The following TENM1 variants were observed in gnomAD, a reference collection of about 807,000 sequenced individuals.
TENM1 encodes teneurin-1.
TENM1 carries 35 observed loss-of-function variants against 174.8 expected under a neutral mutation model. That is an observed-to-expected ratio of 0.20 (90% CI 0.15 to 0.27). The LOEUF is 0.27. TENM1 is among the 10% of genes least tolerant of loss of function. The pLI is 1.00. For missense variants in TENM1, 1,633 were observed against 2,130.1 expected (o/e 0.77, Z 4.59); for synonymous variants, 781 against 798.7 (o/e 0.98, Z 0.37).
chrX:124,619,110 T>A (rs1445669224), intron 11 of TENM1, among the ~76,000 whole-genome samples: 1 of 111,772 alleles, frequency 8.9e-6, no homozygotes, highest in African/African-American at 3.3e-5. Flanking sequence ...AACAAAATAA[T>A]AAAGATTTAA....
At chrX:124,966,197 C>T (rs919815905), upstream of TENM1, among the ~76,000 whole-genome samples, 1 of 111,455 alleles carries the variant, frequency 9.0e-6, no homozygotes, top group Non-Finnish European at 1.9e-5. Context: ...AATTGGTTTC[C>T]TTCTTACATT....
At chrX:125,027,538 C>T in the TENM1 span, among the ~76,000 whole-genome samples, 1 of 111,557 alleles carries the variant, frequency 9.0e-6, no homozygotes, top group Non-Finnish European at 1.9e-5. Flanking sequence ...AAACTGAAAG[C>T]CCAAGTCAAA....
the TENM1 span, among the ~76,000 whole-genome samples, chrX:125,172,328 C>T: frequency 8.2e-5 from 9 of 109,959 alleles, no homozygotes; most frequent in South Asian, 7.9e-4. Context: ...CTCACCCCCC[C>T]CCATTTTAAA....
chrX:124,635,982 T>C (rs1257877874), intron 11 of TENM1, among the ~76,000 whole-genome samples: 1 of 112,132 alleles, frequency 8.9e-6, no homozygotes, highest in African/African-American at 3.2e-5. Flanking sequence ...AAGAAGCCTA[T>C]ATCAAATATC....
intron 3 of TENM1, among the ~76,000 whole-genome samples, chrX:124,893,681 G>A (rs1002744020): frequency 1.8e-5 from 2 of 111,611 alleles, no homozygotes; most frequent in African/African-American, 6.5e-5. Flanking sequence ...CCTCTCCAAA[G>A]GGGCAAAACC....
chrX:125,163,125 G>A, the TENM1 span, among the ~76,000 whole-genome samples: 1 of 111,590 alleles, frequency 9.0e-6, no homozygotes, highest in Non-Finnish European at 1.9e-5. Context: ...AGCCTCTCTG[G>A]ATGCTATATA....
At position 124,660,888 on chromosome X, in the gene TENM1, T is replaced by G. The variant is rs187537455; in HGVS notation, c.1169-7105A>C. ...CGTCATTCCACAACTTGGTGTATAC[T>G]CCAAAGAATTAAAAACAGGTTTTCT... On this transcript the variant is annotated intron_variant, in intron 6 of 31. Coordinates refer to ENST00000422452, the Ensembl canonical transcript of TENM1. Among the ~76,000 whole-genome samples, 6 of 111,959 alleles carry G rather than the reference T, an allele frequency of 5.4e-5. No individual in the cohort carries two copies. In the East Asian group the frequency reaches 1.1e-3, roughly 21 times the overall value.
chrX:124,433,406 C>T lies in TENM1; in HGVS notation c.4105-10768G>A, dbSNP rs190888236. 7.1e-5 allele frequency among the ~76,000 whole-genome samples: 8 copies of T among 111,977 alleles called. No individual in the cohort carries two copies. In the East Asian group the frequency reaches 2.2e-3, roughly 31 times the overall value. Reference sequence around the variant, plus strand: ...ATTGCTTAAACCTAATGATTAACCTCAAGCATTCTTGAATACCTAGGGCTC... The same window carrying T: ...ATTGCTTAAACCTAATGATTAACCTTAAGCATTCTTGAATACCTAGGGCTC... On this transcript the variant is annotated intron_variant, in intron 23 of 31. Transcript: ENST00000422452.
intron 1 of TENM1, among the ~76,000 whole-genome samples, chrX:124,953,512 C>T (rs1034046539): frequency 9.0e-6 from 1 of 111,546 alleles, no homozygotes; most frequent in African/African-American, 3.3e-5. Flanking sequence ...CGTGTCTCTG[C>T]CTCTTTGTGT....
In TENM1 at chrX:124,676,257, AATATATATATATATAT is replaced by A. The variant is rs56962688; in HGVS notation, c.1016-4438_1016-4423del. Among the ~76,000 whole-genome samples the A allele has an allele frequency of 7.2e-3, 166 of 22,953 alleles. 2 individuals carry two copies. The highest frequency in any genetic ancestry group is 0.012 in the East Asian group (12 of 981). 19.9% of individuals were successfully genotyped at this position (22,953 alleles called of 115,157 possible). A position where few individuals can be genotyped will look rare whatever the true frequency, so the allele number is the denominator to read the frequency against. ...TTACTGTTCCCTAAGACATATATAA[AATATATATATATATAT>A]ATATATATATATATATATATATATA... On this transcript the variant is annotated intron_variant, in intron 5 of 31. Coordinates refer to ENST00000422452, the Ensembl canonical transcript of TENM1.
chrX:125,160,524 G>A, the TENM1 span, among the ~76,000 whole-genome samples: 5 of 73,486 alleles, frequency 6.8e-5, no homozygotes, highest in South Asian at 4.0e-3. Flanking sequence ...TAGCCTGGGC[G>A]ACAGAGCAAG....
the TENM1 span, among the ~76,000 whole-genome samples, chrX:125,089,638 C>T: frequency 1.8e-5 from 2 of 111,349 alleles, no homozygotes; most frequent in African/African-American, 3.3e-5. Context: ...CTATTTAGAG[C>T]CTTTTGAGAC....
intron 11 of TENM1, among the ~76,000 whole-genome samples, chrX:124,640,804 CA>C (rs1183018696): frequency 9.1e-6 from 1 of 109,335 alleles, no homozygotes; most frequent in African/African-American, 3.3e-5. Flanking sequence ...ACTAAAAATA[CA>C]AAAAAATTAG....
At chrX:124,551,084 G>A (rs2048553650) in intron 14 of TENM1, among the ~76,000 whole-genome samples, 1 of 112,589 alleles carries the variant, frequency 8.9e-6, no homozygotes, top group African/African-American at 3.2e-5. Context: ...GCTTAACGTT[G>A]CCACTTACAA....
intron 11 of TENM1, among the ~76,000 whole-genome samples, chrX:124,625,590 C>T (rs1343718648): frequency 9.0e-6 from 1 of 111,271 alleles, no homozygotes; most frequent in Non-Finnish European, 1.9e-5. Flanking sequence ...AATTAGCTCA[C>T]GGTTCTGCAA....
chrX:125,120,118 TTGAG>T, the TENM1 span, among the ~76,000 whole-genome samples: 5 of 111,927 alleles, frequency 4.5e-5, no homozygotes, highest in African/African-American at 1.3e-4. Context: ...TAAGGTTCCC[TTGAG>T]TAAGAGACTT....
chrX:124,497,223 T>A, exon 20 of TENM1: 1 of 1,209,177 alleles, frequency 8.3e-7, no homozygotes, highest in Non-Finnish European at 1.1e-6. Context: ...TGGGGGCTGC[T>A]GGGAAATGAA....
At chrX:125,144,624 C>A in the TENM1 span, among the ~76,000 whole-genome samples, 5 of 112,015 alleles carry the variant, frequency 4.5e-5, no homozygotes, top group Non-Finnish European at 9.4e-5. Flanking sequence ...TAACAGAATA[C>A]CACAGGAGCA....
chrX:124,463,839 GTGT>G (rs1569533023), intron 22 of TENM1, among the ~76,000 whole-genome samples: 1 of 62,819 alleles, frequency 1.6e-5, no homozygotes, highest in Non-Finnish European at 2.6e-5. Flanking sequence ...AGGTTGGGGT[GTGT>G]GTGTGTGTGT....
Sources: gnomAD v4.1 joint callset for allele counts (sites outside exome capture counted in the v4.1 genomes callset) on GRCh38, gnomAD v4.1.1 for gene constraint, MANE v1.5 for transcripts, NCBI Gene and HGNC (gene_info 2026-07-23, HGNC 2026-07-21) for gene names.